NAALADL2: variants seen among roughly 807,000 people sequenced by gnomAD.
The protein encoded by NAALADL2 is N-acetylated alpha-linked acidic dipeptidase like 2, also known as inactive N-acetylated-alpha-linked acidic dipeptidase-like protein 2.
A neutral mutation model predicts 87.2 loss-of-function variants in NAALADL2; 76 were observed. The observed-to-expected ratio is 0.87, with a 90% CI of 0.72 to 1.05. The LOEUF is 1.05. Among genes scored for constraint, NAALADL2 ranks in the 50% least tolerant of loss-of-function variants. NAALADL2 has a pLI of 0.00. For missense variants in NAALADL2, 1,089 were observed against 945.8 expected (o/e 1.15, Z -1.99); for synonymous variants, 354 against 331.0 (o/e 1.07, Z -0.75).
chr3:174,753,091 C>A (rs570522895), intron 3 of NAALADL2, among the ~76,000 whole-genome samples: 2 of 151,962 alleles, frequency 1.3e-5, no homozygotes, highest in South Asian at 4.2e-4. Context: ...CTTGTTGATC[C>A]CCTTTTTGCT....
chr3:175,415,050 C>G (rs1234664645), intron 5 of NAALADL2, among the ~76,000 whole-genome samples: 1 of 152,050 alleles, frequency 6.6e-6, no homozygotes, highest in Non-Finnish European at 1.5e-5. Flanking sequence ...TTGACTTTTC[C>G]CTTTTGACTT....
At position 175,206,276 on chromosome 3, in the gene NAALADL2, CTG is replaced by C. The variant is rs143468615; in HGVS notation, c.546-27645_546-27644del. On this transcript the variant is annotated intron_variant, in intron 2 of 13. Coordinates refer to ENST00000454872, the MANE Select transcript of NAALADL2 (RefSeq NM_207015.3). ...TATATATATATATTTTTTTTTTTCA[CTG>C]TGTGTGTGTATGTATGTGTATATAT... Among the ~76,000 whole-genome samples, 6 of 110,386 alleles carry C rather than the reference CTG, an allele frequency of 5.4e-5. 1 individual carries two copies. The highest frequency in any genetic ancestry group is 2.6e-4 in the East Asian group (1 of 3,804). The allele number at this position is 110,386 out of a possible 152,430, so 72.4% of individuals were successfully genotyped here.
intron 5 of NAALADL2, among the ~76,000 whole-genome samples, chr3:175,364,583 A>C (rs1765360774): frequency 6.8e-6 from 1 of 147,626 alleles, no homozygotes. Flanking sequence ...ACAGTGAGGG[A>C]AATTATTTTT....
intron 10 of NAALADL2, among the ~76,000 whole-genome samples, chr3:175,588,295 A>T (rs150118484): frequency 1.1e-3 from 172 of 152,212 alleles, no homozygotes; most frequent in African/African-American, 3.8e-3. Flanking sequence ...TTTGGTCTAA[A>T]CTGGGTTTTA....
chr3:174,777,303 G>T (rs1311369976), intron 3 of NAALADL2, among the ~76,000 whole-genome samples: 6 of 152,034 alleles, frequency 3.9e-5, no homozygotes, highest in African/African-American at 1.4e-4. Flanking sequence ...TTGCCACCAA[G>T]TGTCCTTCTT....
At chr3:174,933,080 G>T (rs1228724448) in intron 1 of NAALADL2, among the ~76,000 whole-genome samples, 1 of 152,202 alleles carries the variant, frequency 6.6e-6, no homozygotes, top group African/African-American at 2.4e-5. Flanking sequence ...TTGTGCCATT[G>T]CACTCCAGCC....
At chr3:174,514,695 C>T (rs913897115) in intron 1 of NAALADL2, among the ~76,000 whole-genome samples, 2 of 151,952 alleles carry the variant, frequency 1.3e-5, no homozygotes, top group African/African-American at 2.4e-5. Flanking sequence ...ATTCTTTCCT[C>T]AAAATTTTAT....
intron 11 of NAALADL2, among the ~76,000 whole-genome samples, chr3:175,659,128 C>A (rs1256602108): frequency 6.6e-6 from 1 of 152,102 alleles, no homozygotes; most frequent in South Asian, 2.1e-4. Flanking sequence ...GATAATAATA[C>A]CTATCAAATA....
chr3:174,898,653 T>G (rs1345365632), intron 1 of NAALADL2, among the ~76,000 whole-genome samples: 1 of 151,828 alleles, frequency 6.6e-6, no homozygotes, highest in Non-Finnish European at 1.5e-5. Context: ...CACAGTAATT[T>G]AAGAAATAAA....
chr3:174,841,045 AAAG>A lies in NAALADL2; in HGVS notation c.-9+103314_-9+103316del, dbSNP rs796160139. Among the ~76,000 whole-genome samples, 147 of 149,420 alleles carry A rather than the reference AAAG, an allele frequency of 9.8e-4. 1 individual carries two copies. Among genetic ancestry groups the A allele is most frequent in the African/African-American group, 3.1e-3 (121 of 38,962 alleles). ...ATGCCACTTTGACTTTATTAAAAAA[AAAG>A]AAGAAGAAGAAGAAAAGGAAGAAAG... On this transcript the variant is annotated intron_variant, in intron 3 of 3. Transcript: ENST00000434257.
Position 175,627,342 on chromosome 3 carries a change from G to T in NAALADL2, c.1852G>T (p.Glu618Ter). Residue 618 changes from glutamate to a stop codon, truncating the protein, a stop_gained, in exon 11 of 14, where the codon GAA becomes TAA. Coordinates refer to ENST00000454872, the MANE Select transcript of NAALADL2 (RefSeq NM_207015.3). LOFTEE classifies it high-confidence loss of function. ...ARFSTRATKI[E>*]EMDPSFNLHE... The stretch of plus-strand genomic sequence containing the variant: ...TTTTTCTACACGAGCAACAAAAATT[G>T]AAGAAATGGATCCCTCTTTCAACCT... The T allele has an allele frequency of 6.4e-7, 1 of 1,573,420 alleles. No homozygotes were observed. The highest frequency in any genetic ancestry group is 8.6e-7 in the Non-Finnish European group (1 of 1,156,836).
chr3:175,607,693 T>C (rs1723962041), intron 10 of NAALADL2, among the ~76,000 whole-genome samples: 1 of 152,176 alleles, frequency 6.6e-6, no homozygotes, highest in Admixed American at 6.5e-5. Context: ...GTGATTATGC[T>C]TCTTGATCAC....
chr3:174,892,914 T>A, intron 1 of NAALADL2, among the ~76,000 whole-genome samples: 1 of 95,802 alleles, frequency 1.0e-5, no homozygotes. Context: ...AGAGTGAGAC[T>A]CCAACTCAAA....
chr3:174,524,555 G>GT (rs1020526786), intron 1 of NAALADL2, among the ~76,000 whole-genome samples: 9 of 151,904 alleles, frequency 5.9e-5, no homozygotes, highest in African/African-American at 9.7e-5. Context: ...AAAATATATT[G>GT]TTTTTTTGTG....
intron 1 of NAALADL2, among the ~76,000 whole-genome samples, chr3:175,035,974 A>G (rs1285887105): frequency 6.6e-6 from 1 of 152,188 alleles, no homozygotes; most frequent in Non-Finnish European, 1.5e-5. Context: ...GCTTGTATAG[A>G]TGAGGCAAGT....
intron 1 of NAALADL2, among the ~76,000 whole-genome samples, chr3:174,893,123 T>C (rs768126325): frequency 6.6e-5 from 10 of 152,114 alleles, no homozygotes; most frequent in Non-Finnish European, 1.2e-4. Context: ...GTGGAAACTT[T>C]ACAGGCCAGA....
At chr3:174,495,137 G>A (rs1200007301) in intron 1 of NAALADL2, among the ~76,000 whole-genome samples, 1 of 151,700 alleles carries the variant, frequency 6.6e-6, no homozygotes, top group Non-Finnish European at 1.5e-5. Context: ...CTGAGAGAAA[G>A]TCTCCATTAT....
chr3:175,768,375 T>G (rs1443249038), intron 13 of NAALADL2, among the ~76,000 whole-genome samples: 1 of 152,194 alleles, frequency 6.6e-6, no homozygotes, highest in African/African-American at 2.4e-5. Flanking sequence ...TTTTTTGATC[T>G]ATCAGATTAC....
chr3:175,025,222 C>T (rs1011723036), intron 1 of NAALADL2, among the ~76,000 whole-genome samples: 5 of 151,688 alleles, frequency 3.3e-5, no homozygotes, highest in Admixed American at 6.6e-5. Context: ...TGAATGTTTA[C>T]GGTTGAGCAG....
Sources: gnomAD v4.1 joint callset for allele counts (sites outside exome capture counted in the v4.1 genomes callset) on GRCh38, gnomAD v4.1.1 for gene constraint, MANE v1.5 for transcripts, NCBI Gene and HGNC (gene_info 2026-07-23, HGNC 2026-07-21) for gene names.